Variants in UNC13C observed in about 807,000 individuals in gnomAD.
UNC13C encodes the protein protein unc-13 homolog C.
UNC13C carries 174 observed loss-of-function variants against 245.4 expected under a neutral mutation model. The ratio of observed to expected loss-of-function variants is 0.71; its 90% confidence interval spans 0.63 to 0.80. UNC13C has a LOEUF of 0.80. UNC13C is among the 30% of genes least tolerant of loss of function. The pLI is 0.00. For missense variants in UNC13C, 2,829 were observed against 2,602.9 expected, an observed-to-expected ratio of 1.09 and a Z score of -1.89; for synonymous variants, 992 against 895.1, an observed-to-expected ratio of 1.11 and a Z score of -1.93.
At chr15:54,116,661 C>A (rs2030270568) in intron 2 of UNC13C, among the ~76,000 whole-genome samples, 4 of 152,142 alleles carry the variant, frequency 2.6e-5, no homozygotes, top group African/African-American at 9.7e-5. Flanking sequence ...GCCACGTTGT[C>A]TCTATGCATT....
At position 54,338,374 on chromosome 15, in the gene UNC13C, A is replaced by G; in HGVS notation, c.4598A>G (p.Gln1533Arg). ...TGTCTTTGTCAGGTTCTGGAGCTGC[A>G]AAGCCCCCCAAAAGCGAGCATGGTG... ...TFFRMKVLEL[Q>R]SPPKASMVVK... The change falls in exon 17 of 33, where the codon CAA becomes CGA. Residue 1533 changes from glutamine to arginine, a missense_variant. Transcript: ENST00000260323. The G allele has an allele frequency of 6.2e-7, 1 of 1,612,370 alleles. No individual in the cohort carries two copies. The highest frequency in any genetic ancestry group is 8.5e-7 in the Non-Finnish European group (1 of 1,178,858).
chr15:54,435,886 A>C (rs574153886), intron 19 of UNC13C, among the ~76,000 whole-genome samples: 3 of 151,714 alleles, frequency 2.0e-5, no homozygotes, highest in East Asian at 1.9e-4. Context: ...GTACAAGAAA[A>C]AAAACAAAAC....
chr15:53,943,822 T>C, the UNC13C span, among the ~76,000 whole-genome samples: 1 of 152,160 alleles, frequency 6.6e-6, no homozygotes, highest in African/African-American at 2.4e-5. Flanking sequence ...AGGATTGCTA[T>C]ATTTTCTTGG....
intron 2 of UNC13C, among the ~76,000 whole-genome samples, chr15:54,135,248 C>T (rs1280786994): frequency 6.6e-6 from 1 of 152,166 alleles, no homozygotes; most frequent in Admixed American, 6.5e-5. Context: ...TCCCATTTCA[C>T]GGTTTCCTTT....
In UNC13C at chr15:54,477,804, C is replaced by A. The variant is rs868808962; in HGVS notation, c.4934-16804C>A. Among the ~76,000 whole-genome samples, 133 of 149,112 alleles carry A rather than the reference C, an allele frequency of 8.9e-4. 1 individual carries two copies. Among genetic ancestry groups the A allele is most frequent in the Middle Eastern group, 6.8e-3 (2 of 294 alleles). Reference sequence around the variant, plus strand: ...TTGTGTCTCTGCCCGGCTTTGGTATCAGGATGATGCTGGCCTCATAAAATG... The same window carrying A: ...TTGTGTCTCTGCCCGGCTTTGGTATAAGGATGATGCTGGCCTCATAAAATG... On this transcript the variant is annotated intron_variant, in intron 19 of 32. Transcript: ENST00000260323.
intron 10 of UNC13C, among the ~76,000 whole-genome samples, chr15:54,270,399 T>G (rs1307590843): frequency 6.6e-6 from 1 of 152,184 alleles, no homozygotes; most frequent in Non-Finnish European, 1.5e-5. Context: ...ACTTCTGAGC[T>G]TTAGCTTGTC....
At chr15:53,993,647 C>T (rs144150152) in intron 1 of UNC13C, among the ~76,000 whole-genome samples, 6 of 152,110 alleles carry the variant, frequency 3.9e-5, no homozygotes, top group African/African-American at 1.4e-4. Context: ...CTTCCATGTC[C>T]TTCTTCCTCC....
intron 2 of UNC13C, among the ~76,000 whole-genome samples, chr15:54,081,900 G>C (rs1898963180): frequency 6.6e-6 from 1 of 152,032 alleles, no homozygotes; most frequent in Non-Finnish European, 1.5e-5. Flanking sequence ...GTACTTACCT[G>C]TCCTTTTACG....
intron 2 of UNC13C, among the ~76,000 whole-genome samples, chr15:54,102,362 T>A (rs1442304496): frequency 6.6e-6 from 1 of 152,136 alleles, no homozygotes; most frequent in Non-Finnish European, 1.5e-5. Context: ...TGTCAAAGGG[T>A]GTTCAGAAGT....
chr15:54,544,900 C>A (rs1896417264), intron 26 of UNC13C, among the ~76,000 whole-genome samples: 1 of 152,252 alleles, frequency 6.6e-6, no homozygotes, highest in East Asian at 1.9e-4. Context: ...TCAATGCTAT[C>A]CCCATCAAGC....
the UNC13C span, among the ~76,000 whole-genome samples, chr15:53,933,368 T>G: frequency 6.6e-6 from 1 of 152,150 alleles, no homozygotes; most frequent in Admixed American, 6.5e-5. Context: ...TATACATATA[T>G]ATATCTTAAA....
At position 54,012,861 on chromosome 15, in the gene UNC13C, G is replaced by T. The variant is rs750474260; in HGVS notation, c.-43G>T. 2.1e-6 allele frequency: 3 copies of T among 1,459,636 alleles called. No individual in the cohort carries two copies. Among genetic ancestry groups the T allele is most frequent in the Admixed American group, 2.2e-5 (1 of 46,180 alleles). 90.4% of individuals were successfully genotyped at this position (1,459,636 alleles called of 1,614,324 possible). On this transcript the variant is annotated 5_prime_UTR_variant, in exon 2 of 33. Transcript: ENST00000260323. ...TTTTCAGGTTTTCATCCTGATACTTGTTTACTTTTCTGGGGCAGAAAAGCT... is the reference window on the plus strand; with the variant it reads ...TTTTCAGGTTTTCATCCTGATACTTTTTTACTTTTCTGGGGCAGAAAAGCT...
intron 4 of UNC13C, among the ~76,000 whole-genome samples, chr15:54,194,616 T>C (rs1361458548): frequency 6.6e-6 from 1 of 152,134 alleles, no homozygotes; most frequent in African/African-American, 2.4e-5. Context: ...AGCTACTTTA[T>C]GAAATTTAAG....
intron 10 of UNC13C, among the ~76,000 whole-genome samples, chr15:54,268,595 GA>G (rs1567147910): frequency 6.6e-6 from 1 of 152,112 alleles, no homozygotes; most frequent in Non-Finnish European, 1.5e-5. Context: ...AAGTTACATG[GA>G]AATATTTTTG....
chr15:54,442,564 A>G (rs1474854724), intron 19 of UNC13C, among the ~76,000 whole-genome samples: 1 of 152,032 alleles, frequency 6.6e-6, no homozygotes, highest in African/African-American at 2.4e-5. Context: ...CTCACCCAGT[A>G]TGATGTTAGC....
the UNC13C span, among the ~76,000 whole-genome samples, chr15:53,934,278 A>T: frequency 6.6e-6 from 1 of 152,192 alleles, no homozygotes; most frequent in Non-Finnish European, 1.5e-5. Context: ...TCAATATGAG[A>T]TTGGGAGGAC....
chr15:54,380,345 A>G (rs1454208839), intron 17 of UNC13C, among the ~76,000 whole-genome samples: 2 of 152,148 alleles, frequency 1.3e-5, no homozygotes, highest in African/African-American at 2.4e-5. Context: ...GTGTTTATAC[A>G]TATGTATGGT....
intron 19 of UNC13C, among the ~76,000 whole-genome samples, chr15:54,491,800 A>G (rs1893718082): frequency 1.3e-5 from 2 of 152,062 alleles, no homozygotes; most frequent in African/African-American, 4.8e-5. Flanking sequence ...CAGGAGATCC[A>G]GACCATGGTG....
chr15:54,205,936 T>A (rs925945635), intron 4 of UNC13C, among the ~76,000 whole-genome samples: 2 of 152,016 alleles, frequency 1.3e-5, no homozygotes, highest in African/African-American at 4.8e-5. Context: ...GGGATTACAT[T>A]CAGCACATCT....
Sources: allele counts gnomAD v4.1 joint callset (sites outside exome capture counted in the v4.1 genomes callset), GRCh38; gene constraint gnomAD v4.1.1; transcripts MANE v1.5; gene names NCBI Gene and HGNC (gene_info 2026-07-23, HGNC 2026-07-21).